The following PCDHA9 variants were observed in gnomAD, a reference collection of about 807,000 sequenced individuals.
The protein encoded by PCDHA9 is protocadherin alpha 9.
Under a neutral mutation model 62.0 loss-of-function variants are expected in PCDHA9, and 62 were observed. The observed-to-expected ratio is 1.00, with a 90% confidence interval of 0.81 to 1.23. PCDHA9 has a LOEUF of 1.23. PCDHA9 is among the 50% of genes most tolerant of loss of function. The probability of loss-of-function intolerance (pLI) is 0.00; values close to 1 mark genes in which losing one functional copy is unlikely to be tolerated. For synonymous variants in PCDHA9, 557 were observed against 567.6 expected (o/e 0.98, Z 0.27); for missense variants, 1,205 against 1,249.8 (o/e 0.96, Z 0.54).
intron 1 of PCDHA9, chr5:140,927,681 G>A: frequency 6.2e-7 from 1 of 1,614,180 alleles, no homozygotes; most frequent in Non-Finnish European, 8.5e-7. Flanking sequence ...CAGATGAAGG[G>A]TCCAATGGGG....
At chr5:140,951,685 T>C (rs1305310211) in intron 1 of PCDHA9, among the ~76,000 whole-genome samples, 4 of 152,140 alleles carry the variant, frequency 2.6e-5, no homozygotes, top group African/African-American at 9.7e-5. Flanking sequence ...GGGATTACAA[T>C]GTGACATGAG....
At chr5:140,996,699 C>T (rs1462785057) in intron 3 of PCDHA9, among the ~76,000 whole-genome samples, 3 of 152,146 alleles carry the variant, frequency 2.0e-5, no homozygotes, top group Non-Finnish European at 2.9e-5. Flanking sequence ...TTCTGAACCT[C>T]TATCTCTTTG....
At chr5:141,000,421 A>ATATTT (rs1265241806) in intron 3 of PCDHA9, among the ~76,000 whole-genome samples, 4 of 27,980 alleles carry the variant, frequency 1.4e-4, no homozygotes, top group Non-Finnish European at 1.1e-4. Context: ...ATATATATAT[A>ATATTT]TTTTTTTTTT....
intron 1 of PCDHA9, among the ~76,000 whole-genome samples, chr5:140,890,587 G>T (rs2062701287): frequency 6.6e-6 from 1 of 151,988 alleles, no homozygotes; most frequent in African/African-American, 2.4e-5. Flanking sequence ...TTATTTGGAA[G>T]CCCTTTTCCG....
intron 1 of PCDHA9, among the ~76,000 whole-genome samples, chr5:140,897,071 A>AT (rs1433909021): frequency 3.3e-5 from 5 of 151,872 alleles, no homozygotes; most frequent in African/African-American, 1.2e-4. Flanking sequence ...TGTCTTATTC[A>AT]TTTTTTCTAT....
chr5:140,852,172 A>T (rs2042256675), intron 1 of PCDHA9: 1 of 802,380 alleles, frequency 1.2e-6, no homozygotes, highest in South Asian at 5.6e-5. Context: ...GAGCCACAAA[A>T]ATAACTATGA....
At chr5:140,861,658 G>C (rs913348410) in intron 1 of PCDHA9, 1 of 269,114 alleles carries the variant, frequency 3.7e-6, no homozygotes, top group Non-Finnish European at 7.4e-6. Flanking sequence ...TTTCTGAAAC[G>C]AGAGCTCTTG....
chr5:140,864,909 A>G (rs1046704709), intron 1 of PCDHA9: 1 of 152,160 alleles, frequency 6.6e-6, no homozygotes, highest in Non-Finnish European at 1.5e-5. Flanking sequence ...TCAGAATGGC[A>G]TTGCTGAGCT....
At chr5:140,972,316 G>T (rs2096531069) in intron 1 of PCDHA9, among the ~76,000 whole-genome samples, 2 of 139,864 alleles carry the variant, frequency 1.4e-5, no homozygotes, top group South Asian at 2.3e-4. Flanking sequence ...GTTTTTAGGT[G>T]TTTTTTTTTT....
At chr5:140,863,405 C>T (rs1554158176) in intron 1 of PCDHA9, 11 of 799,522 alleles carry the variant, frequency 1.4e-5, no homozygotes, top group Non-Finnish European at 2.3e-5. Context: ...GGCAAGCCCA[C>T]GCTGGTGTAC....
rs377081112 is a variant in PCDHA9 at position 140,871,063 on chromosome 5, G to T, written c.2394+20174G>T. The T allele has an allele frequency of 1.1e-5, 18 of 1,613,154 alleles. No homozygotes were observed. In the African/African-American group the frequency reaches 2.0e-4, roughly 18 times the overall value. On this transcript the variant is annotated intron_variant, in intron 1 of 3. Transcript: ENST00000532602. ...ACTTCTAGTACTGGTGAAGGATCAC[G>T]GTGAGCCGGCGCTGACGGCCACGGC...
chr5:140,953,648 A>C (rs2094921161), intron 1 of PCDHA9, among the ~76,000 whole-genome samples: 1 of 152,150 alleles, frequency 6.6e-6, no homozygotes, highest in Non-Finnish European at 1.5e-5. Flanking sequence ...CAGGAGCTAT[A>C]GTTGTTATCT....
intron 1 of PCDHA9, among the ~76,000 whole-genome samples, chr5:140,948,438 G>A (rs2094254732): frequency 6.6e-6 from 1 of 151,474 alleles, no homozygotes; most frequent in South Asian, 2.1e-4. Context: ...GAAACATTCT[G>A]TGCCAGGGAT....
chr5:140,867,947 C>T (rs1197822100), intron 1 of PCDHA9: 3 of 152,114 alleles, frequency 2.0e-5, no homozygotes, highest in East Asian at 1.9e-4. Context: ...TGAACTTCTG[C>T]TCCCAAACCC....
At chr5:140,941,409 C>G (rs1284702446) in intron 1 of PCDHA9, among the ~76,000 whole-genome samples, 1 of 149,924 alleles carries the variant, frequency 6.7e-6, no homozygotes, top group Non-Finnish European at 1.5e-5. Flanking sequence ...CTCCGCCTCC[C>G]GGGTTCAAGC....
intron 1 of PCDHA9, chr5:140,883,058 C>T (rs782098362): frequency 6.2e-7 from 1 of 1,614,074 alleles, no homozygotes; most frequent in Admixed American, 1.7e-5. Flanking sequence ...AGTGATCAAG[C>T]TAAATGCCAC....
intron 1 of PCDHA9, among the ~76,000 whole-genome samples, chr5:140,942,747 A>C (rs1291200302): frequency 6.6e-6 from 1 of 152,232 alleles, no homozygotes; most frequent in African/African-American, 2.4e-5. Flanking sequence ...AAAATCTTGT[A>C]TAAATGAGAT....
rs868916626 is a variant in PCDHA9, at chr5:140,946,629, T to C, written c.2395-32320T>C. 3.4e-3 allele frequency among the ~76,000 whole-genome samples: 415 copies of C among 123,330 alleles called. 16 individuals carry two copies. The highest frequency in any genetic ancestry group is 0.017 in the Middle Eastern group (4 of 240). The allele number at this position is 123,330 out of a possible 152,430, so 80.9% of individuals were successfully genotyped here. On this transcript the variant is annotated intron_variant, in intron 1 of 3. Coordinates refer to ENST00000532602, the MANE Select transcript of PCDHA9 (RefSeq NM_031857.2). ...AATGTGAAATATATATATATATATATATACAATGGAATACTCATCAGCCAT... is the reference window on the plus strand; with the variant it reads ...AATGTGAAATATATATATATATATACATACAATGGAATACTCATCAGCCAT...
chr5:140,966,953 C>A, intron 1 of PCDHA9: 1 of 1,603,802 alleles, frequency 6.2e-7, no homozygotes. Flanking sequence ...CAACGTGGCT[C>A]GCGCGCTGGG....
Sources: gnomAD v4.1 joint callset for allele counts (sites outside exome capture counted in the v4.1 genomes callset) on GRCh38, gnomAD v4.1.1 for gene constraint, MANE v1.5 for transcripts, NCBI Gene and HGNC (gene_info 2026-07-23, HGNC 2026-07-21) for gene names.